Variants in TMEM254 observed in about 807,000 individuals in gnomAD.
The protein encoded by TMEM254 is transmembrane protein C10orf57.
A neutral mutation model predicts 13.9 loss-of-function variants in TMEM254; 16 were observed. The ratio of observed to expected loss-of-function variants is 1.15; its 90% CI spans 0.78 to 1.75. The LOEUF is 1.75. Ranked by LOEUF, TMEM254 falls within the 40% of genes most tolerant of loss-of-function variation. TMEM254 has a pLI of 0.00. For missense variants in TMEM254, 155 were observed against 149.0 expected (o/e 1.04, Z -0.21); for synonymous variants, 61 against 56.4 (o/e 1.08, Z -0.36).
At position 80,091,924 on chromosome 10, in the gene TMEM254, T is replaced by G. The variant is rs1844587789; in HGVS notation, c.*1007T>G. 1 of 152,242 alleles carries G rather than the reference T, an allele frequency of 6.6e-6. No individual in the cohort carries two copies. Among genetic ancestry groups the G allele is most frequent in the Admixed American group, 6.5e-5 (1 of 15,288 alleles). 9.4% of individuals were successfully genotyped at this position (152,242 alleles called of 1,614,324 possible). A position where few individuals can be genotyped will look rare whatever the true frequency, so the allele number is the denominator to read the frequency against. Reference sequence around the variant, plus strand: ...GAGAAACCTTTATCTTTTTCATACCTTTCTATTCTCAATCACTTCTCCAAA... The same window carrying G: ...GAGAAACCTTTATCTTTTTCATACCGTTCTATTCTCAATCACTTCTCCAAA... On this transcript the variant is annotated 3_prime_UTR_variant, in exon 4 of 4. Coordinates refer to ENST00000372281, the MANE Select transcript of TMEM254 (RefSeq NM_025125.4).
intron 1 of TMEM254, 141 bp downstream of exon 1, chr10:80,078,927 G>A: frequency 6.6e-7 from 1 of 1,525,880 alleles, no homozygotes; most frequent in Non-Finnish European, 8.9e-7. Context: ...GCGGAGGGGA[G>A]GGGACCAGAC....
rs1206493857 is a variant in TMEM254 at position 80,081,959 on chromosome 10, A to G, written c.191+15A>G. The G allele has an allele frequency of 6.2e-7, 1 of 1,611,026 alleles. No homozygotes were observed. The highest frequency in any genetic ancestry group is 1.7e-5 in the Admixed American group (1 of 59,936). On this transcript the variant is annotated intron_variant, in intron 2 of 3. Coordinates refer to ENST00000372281, the MANE Select transcript of TMEM254 (RefSeq NM_025125.4). ...CTGTGCAATGGGTAAGGAGAGCTGCACAAGTGGACTGTGGACACTGGAGCT... is the reference window on the plus strand; with the variant it reads ...CTGTGCAATGGGTAAGGAGAGCTGCGCAAGTGGACTGTGGACACTGGAGCT...
intron 1 of TMEM254, 88 bp downstream of exon 1, chr10:80,078,874 G>A (rs553900170): frequency 5.6e-5 from 86 of 1,535,800 alleles, no homozygotes; most frequent in Non-Finnish European, 6.6e-5. Context: ...CCGCGGGCCG[G>A]GGGAAGTCGT....
At chr10:80,082,857 C>T (rs1440201319) in intron 3 of TMEM254, among the ~76,000 whole-genome samples, 2 of 152,006 alleles carry the variant, frequency 1.3e-5, no homozygotes, top group Non-Finnish European at 1.5e-5. Flanking sequence ...TATGGAAATG[C>T]CAAATTGCTT....
chr10:80,082,203 A>G lies in TMEM254; in HGVS notation c.250A>G (p.Lys84Glu). The stretch of plus-strand genomic sequence containing the variant: ...GTCCTTGTATGCCATAGTATTGTGC[A>G]AGTAAGTCTTTGAAGTAGGTGTTTG... Reference protein sequence around the residue: ...GESLYAIVLCKHKGITSGRAQ... With the variant: ...GESLYAIVLCEHKGITSGRAQ... Residue 84 changes from lysine (K) to glutamate (E), a missense_variant and splice_region_variant, in exon 3 of 4, where the codon AAG becomes GAG. Physicochemically the swap from Lys to Glu is moderately conservative, Grantham distance 56. Transcript: ENST00000372281. 1 of 1,614,128 alleles carries G rather than the reference A, an allele frequency of 6.2e-7. No homozygotes were observed.
intron 3 of TMEM254, among the ~76,000 whole-genome samples, chr10:80,084,132 G>T (rs1564570206): frequency 6.6e-6 from 1 of 152,054 alleles, no homozygotes; most frequent in East Asian, 1.9e-4. Flanking sequence ...GCTGCCTTGT[G>T]ATCAGGCAGC....
At chr10:80,087,649 C>T (rs1327626900) in intron 3 of TMEM254, among the ~76,000 whole-genome samples, 2 of 152,046 alleles carry the variant, frequency 1.3e-5, no homozygotes, top group African/African-American at 4.8e-5. Context: ...CAAGACTCTG[C>T]CTAAAAATAA....
intron 1 of TMEM254, chr10:80,079,679 A>G: frequency 1.0e-6 from 1 of 985,668 alleles, no homozygotes; most frequent in Non-Finnish European, 1.2e-6. Context: ...ATAACGAGAA[A>G]GATGCGTGGA....
Position 80,081,949 on chromosome 10 carries a change from G to A in TMEM254, c.191+5G>A. ...TCACACCCTCCTGTGCAATGGGTAAGGAGAGCTGCACAAGTGGACTGTGGA... is the reference window on the plus strand; with the variant it reads ...TCACACCCTCCTGTGCAATGGGTAAAGAGAGCTGCACAAGTGGACTGTGGA... On this transcript the variant is annotated splice_donor_5th_base_variant and intron_variant, in intron 2 of 3. Transcript: ENST00000372281. 2 of 1,613,058 alleles carry A rather than the reference G, an allele frequency of 1.2e-6. No individual in the cohort carries two copies. Among genetic ancestry groups the A allele is most frequent in the Non-Finnish European group, 1.7e-6 (2 of 1,179,186 alleles).
In TMEM254 at chr10:80,090,811, C is replaced by G; in HGVS notation, c.266C>G (p.Thr89Arg). 1 of 1,613,710 alleles carries G rather than the reference C, an allele frequency of 6.2e-7. No homozygotes were observed. Among genetic ancestry groups the G allele is most frequent in the Non-Finnish European group, 8.5e-7 (1 of 1,179,906 alleles). ...AIVLCKHKGI[T>R]SGRAQLLWFL... ...TTCTGTTTTAGGCATAAAGGCATCA[C>G]AAGTGGTCGGGCTCAGCTACTCTGG... The change falls in exon 4 of 4, where the codon ACA becomes AGA. Residue 89 changes from threonine (T) to arginine (R), a missense_variant. Transcript: ENST00000372281.
At chr10:80,087,714 T>C (rs939156118) in intron 3 of TMEM254, among the ~76,000 whole-genome samples, 2 of 152,132 alleles carry the variant, frequency 1.3e-5, no homozygotes, top group African/African-American at 4.8e-5. Flanking sequence ...CCTTCAAAAG[T>C]ATGGAACTAA....
intron 1 of TMEM254, among the ~76,000 whole-genome samples, chr10:80,080,204 C>A (rs1843915574): frequency 6.6e-6 from 1 of 152,130 alleles, no homozygotes; most frequent in Admixed American, 6.5e-5. Flanking sequence ...CAGATGCTCC[C>A]CTTTCCCTTT....
intron 3 of TMEM254, among the ~76,000 whole-genome samples, chr10:80,088,515 T>C (rs1165430566): frequency 2.6e-5 from 4 of 151,854 alleles, no homozygotes; most frequent in Admixed American, 6.6e-5. Context: ...TGAAATGATC[T>C]GTTTCCATTT....
intron 3 of TMEM254, among the ~76,000 whole-genome samples, chr10:80,090,211 G>A (rs1163466792): frequency 2.6e-5 from 4 of 151,956 alleles, no homozygotes; most frequent in Non-Finnish European, 5.9e-5. Flanking sequence ...CTTCCATTGG[G>A]TCATCTTTTT....
At chr10:80,079,845 T>G (rs1843881782) in intron 1 of TMEM254, among the ~76,000 whole-genome samples, 1 of 152,242 alleles carries the variant, frequency 6.6e-6, no homozygotes, top group Admixed American at 6.5e-5. Context: ...GTAGCTGGGA[T>G]TACACTATGC....
intron 3 of TMEM254, among the ~76,000 whole-genome samples, chr10:80,088,597 AACTTCT>A (rs1424842872): frequency 1.3e-5 from 2 of 151,542 alleles, no homozygotes; most frequent in Non-Finnish European, 2.9e-5. Context: ...AATTTCCAGC[AACTTCT>A]ACTTTGAGAT....
rs143901623 is a variant in TMEM254 at position 80,082,204 on chromosome 10, A to G, written c.251A>G (p.Lys84Arg). The part of the protein sequence containing the change: ...GESLYAIVLC[K>R]HKGITSGRAQ... Reference sequence around the variant, plus strand: ...TCCTTGTATGCCATAGTATTGTGCAAGTAAGTCTTTGAAGTAGGTGTTTGT... The same window carrying G: ...TCCTTGTATGCCATAGTATTGTGCAGGTAAGTCTTTGAAGTAGGTGTTTGT... The change falls in exon 3 of 4, where the codon AAG (lysine) becomes AGG (arginine). Residue 84 changes from lysine (K) to arginine (R), a missense_variant and splice_region_variant. Physicochemically the swap from Lys to Arg is conservative, Grantham distance 26. Coordinates refer to ENST00000372281, the MANE Select transcript of TMEM254 (RefSeq NM_025125.4). 1.8e-4 allele frequency: 296 copies of G among 1,614,062 alleles called. 2 individuals carry two copies. The highest frequency in any genetic ancestry group is 1.5e-4 in the Non-Finnish European group (172 of 1,180,044).
Position 80,085,655 on chromosome 10 carries a change from G to A in TMEM254, c.251+3451G>A, listed in dbSNP as rs17606361. 4.8e-3 allele frequency among the ~76,000 whole-genome samples: 737 copies of A among 152,080 alleles called. 9 individuals are homozygous for A. Among genetic ancestry groups the A allele is most frequent in the African/African-American group, 0.017 (697 of 41,472 alleles). ...TTTGCTATTTTGGTAGATTAAAAAG[G>A]GTATCTAGCCATTTTAACCTGTATT... On this transcript the variant is annotated intron_variant, in intron 3 of 3. Coordinates refer to ENST00000372281, the MANE Select transcript of TMEM254 (RefSeq NM_025125.4).
chr10:80,082,649 T>C (rs1844099695), intron 3 of TMEM254, among the ~76,000 whole-genome samples: 1 of 152,202 alleles, frequency 6.6e-6, no homozygotes, highest in East Asian at 1.9e-4. Flanking sequence ...GGGTAAGTCT[T>C]GCCTCAGAGA....
Sources: allele counts gnomAD v4.1 joint callset (sites outside exome capture counted in the v4.1 genomes callset), GRCh38; gene constraint gnomAD v4.1.1; transcripts MANE v1.5; gene names NCBI Gene and HGNC (gene_info 2026-07-23, HGNC 2026-07-21).